Variants in SUGCT observed in about 807,000 individuals in gnomAD.
The protein encoded by SUGCT is succinyl-CoA:glutarate-CoA transferase, also known as succinyl-CoA:glutarate CoA-transferase.
SUGCT carries 41 observed loss-of-function variants against 55.0 expected under a neutral mutation model. The ratio of observed to expected loss-of-function variants is 0.74; its 90% CI spans 0.58 to 0.97. The LOEUF (loss-of-function observed/expected upper bound fraction) is 0.97. SUGCT is among the 50% of genes least tolerant of loss of function. The pLI, the probability that SUGCT is intolerant of heterozygous loss-of-function variation, is 0.00. For missense variants in SUGCT, 568 were observed against 547.8 expected (o/e 1.04, Z -0.37); for synonymous variants, 187 against 200.4 (o/e 0.93, Z 0.56).
chr7:40,788,121 T>G (rs1190789768), intron 13 of SUGCT, among the ~76,000 whole-genome samples: 1 of 152,148 alleles, frequency 6.6e-6, no homozygotes, highest in Non-Finnish European at 1.5e-5. Flanking sequence ...GACCCTGAAG[T>G]TCCACCCCTG....
intron 11 of SUGCT, among the ~76,000 whole-genome samples, chr7:40,480,614 A>G (rs984651709): frequency 1.3e-5 from 2 of 152,116 alleles, no homozygotes; most frequent in African/African-American, 2.4e-5. Flanking sequence ...TAAAATACTC[A>G]TTTTATTGAT....
intron 12 of SUGCT, among the ~76,000 whole-genome samples, chr7:40,517,364 A>G (rs1010885495): frequency 6.6e-6 from 1 of 151,252 alleles, no homozygotes; most frequent in African/African-American, 2.4e-5. Flanking sequence ...ATCTCCCTGG[A>G]TAGGACCTCC....
At chr7:40,489,387 A>G (rs1791559160) in intron 11 of SUGCT, among the ~76,000 whole-genome samples, 1 of 152,212 alleles carries the variant, frequency 6.6e-6, no homozygotes, top group East Asian at 1.9e-4. Flanking sequence ...CTTCCTTAAA[A>G]CTGCTATTTT....
intron 12 of SUGCT, among the ~76,000 whole-genome samples, chr7:40,693,205 C>T (rs1019860309): frequency 3.3e-5 from 5 of 152,156 alleles, no homozygotes; most frequent in Non-Finnish European, 4.4e-5. Flanking sequence ...GGCTTTAACT[C>T]GTGATAGAAG....
intron 12 of SUGCT, among the ~76,000 whole-genome samples, chr7:40,716,234 C>T (rs1361388933): frequency 6.6e-6 from 1 of 152,182 alleles, no homozygotes; most frequent in Non-Finnish European, 1.5e-5. Context: ...CCTGCACAAT[C>T]CTCCTTCCTC....
intron 5 of SUGCT, among the ~76,000 whole-genome samples, chr7:40,194,629 A>T (rs1256526849): frequency 6.6e-6 from 1 of 152,072 alleles, no homozygotes; most frequent in Admixed American, 6.6e-5. Context: ...TTACATTCTA[A>T]TTTTTCTACC....
At chr7:40,649,936 C>T (rs974125280) in intron 12 of SUGCT, among the ~76,000 whole-genome samples, 1 of 152,176 alleles carries the variant, frequency 6.6e-6, no homozygotes, top group Non-Finnish European at 1.5e-5. Context: ...CATTTATTAT[C>T]TCCTAGTTTT....
chr7:40,204,531 T>C (rs1786836894), intron 6 of SUGCT, among the ~76,000 whole-genome samples: 1 of 152,066 alleles, frequency 6.6e-6, no homozygotes, highest in Non-Finnish European at 1.5e-5. Flanking sequence ...CTCGATCTCC[T>C]GGCCTCGTGA....
At chr7:40,978,104 A>G in the SUGCT span, among the ~76,000 whole-genome samples, 1 of 152,106 alleles carries the variant, frequency 6.6e-6, no homozygotes, top group Admixed American at 6.5e-5. Flanking sequence ...TGGCAGTCTA[A>G]CCAGAAAAGC....
At chr7:40,154,899 T>C (rs1783806449) in intron 1 of SUGCT, among the ~76,000 whole-genome samples, 1 of 152,240 alleles carries the variant, frequency 6.6e-6, no homozygotes, top group African/African-American at 2.4e-5. Flanking sequence ...TTCAGATTAA[T>C]ATGCATCTGT....
At chr7:40,216,233 A>C (rs1787629480) in intron 6 of SUGCT, among the ~76,000 whole-genome samples, 1 of 151,588 alleles carries the variant, frequency 6.6e-6, no homozygotes, top group South Asian at 2.1e-4. Flanking sequence ...TGGGCGTGGT[A>C]GCTCACGCCT....
chr7:41,032,899 G>A, the SUGCT span, among the ~76,000 whole-genome samples: 1 of 152,136 alleles, frequency 6.6e-6, no homozygotes, highest in Admixed American at 6.5e-5. Flanking sequence ...GAGTAGCTGG[G>A]ACTATAGGCA....
At chr7:40,333,254 T>A (rs1796427488) in intron 9 of SUGCT, among the ~76,000 whole-genome samples, 2 of 152,036 alleles carry the variant, frequency 1.3e-5, no homozygotes, top group African/African-American at 4.8e-5. Context: ...TTGAATATAA[T>A]GAAAACAGTA....
At chr7:40,351,600 T>A (rs909870206) in intron 9 of SUGCT, among the ~76,000 whole-genome samples, 3 of 152,166 alleles carry the variant, frequency 2.0e-5, no homozygotes, top group African/African-American at 4.8e-5. Context: ...GTGATCAGAG[T>A]TCCACATAAT....
chr7:40,200,162 C>T (rs1786510170), intron 6 of SUGCT, among the ~76,000 whole-genome samples: 1 of 152,142 alleles, frequency 6.6e-6, no homozygotes, highest in South Asian at 2.1e-4. Flanking sequence ...TCCTTCCTTT[C>T]TTCCCTTTCC....
rs148396362 is a variant in SUGCT, at chr7:40,667,202, T to C, written c.1090-82232T>C. Among the ~76,000 whole-genome samples the C allele has an allele frequency of 2.0e-4, 31 of 152,218 alleles. No homozygotes were observed. In the East Asian group the frequency reaches 5.6e-3, roughly 27 times the overall value. ...GAAAACATTTTATGTGTCTATTTAGTTGATTGTATGGTTTTTGTTTTTAAC... is the reference window on the plus strand; with the variant it reads ...GAAAACATTTTATGTGTCTATTTAGCTGATTGTATGGTTTTTGTTTTTAAC... On this transcript the variant is annotated intron_variant, in intron 12 of 13. Transcript: ENST00000335693.
At chr7:40,503,001 G>A (rs1792373857) in intron 12 of SUGCT, among the ~76,000 whole-genome samples, 1 of 152,070 alleles carries the variant, frequency 6.6e-6, no homozygotes, top group Non-Finnish European at 1.5e-5. Flanking sequence ...GGAAGGAAAA[G>A]CTTTTACTCA....
chr7:40,487,250 GTTTTTT>G (rs1167865633), intron 11 of SUGCT, among the ~76,000 whole-genome samples: 1 of 42,906 alleles, frequency 2.3e-5, no homozygotes, highest in Non-Finnish European at 4.5e-5. Flanking sequence ...ACACCCAGCT[GTTTTTT>G]TTTTTTTTTT....
At chr7:40,772,701 C>G (rs1789237261) in intron 13 of SUGCT, among the ~76,000 whole-genome samples, 1 of 151,948 alleles carries the variant, frequency 6.6e-6, no homozygotes, top group Admixed American at 6.6e-5. Context: ...GCAATCATGG[C>G]TCACTGCAGC....
Sources: gnomAD v4.1 joint callset for allele counts (sites outside exome capture counted in the v4.1 genomes callset) on GRCh38, gnomAD v4.1.1 for gene constraint, MANE v1.5 for transcripts, NCBI Gene and HGNC (gene_info 2026-07-23, HGNC 2026-07-21) for gene names.